Variants in GRM7 observed in about 807,000 individuals in gnomAD.
GRM7 encodes glutamate metabotropic receptor 7, also known as metabotropic glutamate receptor 7.
In GRM7, 35 loss-of-function variants were observed where a neutral mutation model predicts 84.5. That is an observed-to-expected ratio of 0.41 (90% CI 0.32 to 0.55). The LOEUF (loss-of-function observed/expected upper bound fraction) is 0.55. Ranked by LOEUF, GRM7 falls within the 20% of genes least tolerant of loss-of-function variation. GRM7 has a pLI of 0.19. For missense variants in GRM7, 1,003 were observed against 1,194.6 expected (o/e 0.84, Z 2.36); for synonymous variants, 487 against 455.1 (o/e 1.07, Z -0.89).
chr3:7,352,055 CACCACA>C lies in GRM7; in HGVS notation c.1033+45404_1033+45409del, dbSNP rs749118300. On this transcript the variant is annotated intron_variant, in intron 4 of 9. Transcript: ENST00000357716. ...TCTCTCTCTCTCACACACACACACACACCACACACACACACACACACACACACACAC... is the reference window on the plus strand; with the variant it reads ...TCTCTCTCTCTCACACACACACACACCACACACACACACACACACACACAC... Among the ~76,000 whole-genome samples the C allele has an allele frequency of 8.3e-3, 827 of 99,898 alleles. 4 individuals carry two copies. Among genetic ancestry groups the C allele is most frequent in the African/African-American group, 0.03 (722 of 24,320 alleles). 65.5% of individuals were successfully genotyped at this position (99,898 alleles called of 152,430 possible).
intron 9 of GRM7, among the ~76,000 whole-genome samples, chr3:7,717,613 T>C (rs1359050944): frequency 6.6e-6 from 1 of 152,104 alleles, no homozygotes; most frequent in Non-Finnish European, 1.5e-5. Flanking sequence ...CAAACTCCTG[T>C]CCCATCAACT....
intron 4 of GRM7, among the ~76,000 whole-genome samples, chr3:7,316,721 G>A (rs1700595564): frequency 6.6e-6 from 1 of 152,012 alleles, no homozygotes; most frequent in Non-Finnish European, 1.5e-5. Context: ...ATACTTATTA[G>A]ACATCCAAGT....
intron 5 of GRM7, among the ~76,000 whole-genome samples, chr3:7,446,158 T>C (rs1304450394): frequency 6.6e-6 from 1 of 152,220 alleles, no homozygotes; most frequent in African/African-American, 2.4e-5. Flanking sequence ...TTCAATAAAA[T>C]TGTGTAATGC....
At chr3:7,610,005 C>G (rs1696773981) in intron 8 of GRM7, among the ~76,000 whole-genome samples, 1 of 152,164 alleles carries the variant, frequency 6.6e-6, no homozygotes, top group South Asian at 2.1e-4. Context: ...TTTACTTAAA[C>G]AGACTTGAGT....
At chr3:6,979,408 A>G (rs1356268) in intron 1 of GRM7, among the ~76,000 whole-genome samples, 3,959 of 152,268 alleles carry the variant, frequency 0.026, 70 homozygotes, top group South Asian at 0.04. Flanking sequence ...AAACTTAGAA[A>G]CAAACATACC....
In GRM7 at chr3:7,515,678, A is replaced by G. The variant is rs183688804; in HGVS notation, c.1515+53956A>G. Reference sequence around the variant, plus strand: ...GGTATAGCAAAGGAAGGTACCTGTCACCTTGAGGACTCACAAGTAATCCAT... The same window carrying G: ...GGTATAGCAAAGGAAGGTACCTGTCGCCTTGAGGACTCACAAGTAATCCAT... On this transcript the variant is annotated intron_variant, in intron 7 of 9. Coordinates refer to ENST00000357716, the MANE Select transcript of GRM7 (RefSeq NM_000844.4). 8.5e-5 allele frequency among the ~76,000 whole-genome samples: 13 copies of G among 152,258 alleles called. No individual in the cohort carries two copies. In the South Asian group the frequency reaches 1.9e-3, roughly 22 times the overall value.
chr3:7,450,276 A>T (rs1278571642), intron 5 of GRM7, among the ~76,000 whole-genome samples: 1 of 152,180 alleles, frequency 6.6e-6, no homozygotes. Flanking sequence ...AAAGTTCGAC[A>T]GCATACTCTG....
intron 1 of GRM7, among the ~76,000 whole-genome samples, chr3:7,063,263 T>C (rs1187691472): frequency 2.0e-5 from 3 of 151,788 alleles, no homozygotes; most frequent in Non-Finnish European, 4.4e-5. Flanking sequence ...AGGCTTGGTA[T>C]ACAAGGCTTC....
intron 1 of GRM7, among the ~76,000 whole-genome samples, chr3:7,025,457 C>T (rs979116357): frequency 5.9e-5 from 9 of 152,146 alleles, no homozygotes; most frequent in African/African-American, 1.7e-4. Flanking sequence ...GAGTAGGTGA[C>T]TATAGAAATC....
chr3:6,889,889 A>G (rs920869499), intron 1 of GRM7, among the ~76,000 whole-genome samples: 3 of 152,084 alleles, frequency 2.0e-5, no homozygotes, highest in African/African-American at 4.8e-5. Context: ...GTAAGCTATT[A>G]ATTATTGCCA....
intron 1 of GRM7, among the ~76,000 whole-genome samples, chr3:7,062,958 C>T (rs1697484351): frequency 6.6e-6 from 1 of 151,628 alleles, no homozygotes; most frequent in African/African-American, 2.4e-5. Flanking sequence ...TAATAAGTTC[C>T]AAGGGACCAT....
At chr3:7,225,406 A>G (rs774336165) in intron 2 of GRM7, among the ~76,000 whole-genome samples, 2 of 148,096 alleles carry the variant, frequency 1.4e-5, no homozygotes, top group Non-Finnish European at 3.0e-5. Context: ...ATATATGTAT[A>G]GTAAATGTAA....
chr3:6,900,460 A>G (rs899132503), intron 1 of GRM7, among the ~76,000 whole-genome samples: 7 of 152,240 alleles, frequency 4.6e-5, no homozygotes, highest in African/African-American at 1.4e-4. Flanking sequence ...AATTGAACAA[A>G]ATACATAATC....
chr3:7,204,002 G>A (rs1047059218), intron 2 of GRM7, among the ~76,000 whole-genome samples: 1 of 152,132 alleles, frequency 6.6e-6, no homozygotes, highest in African/African-American at 2.4e-5. Flanking sequence ...TGTGATAGCT[G>A]AGATATAATA....
At chr3:7,029,744 A>T (rs1157865425) in intron 1 of GRM7, among the ~76,000 whole-genome samples, 2 of 152,194 alleles carry the variant, frequency 1.3e-5, no homozygotes, top group Admixed American at 1.3e-4. Context: ...TGAGCACAGC[A>T]TTTCAGTTTG....
At chr3:7,425,461 T>G (rs1169329651) in intron 5 of GRM7, among the ~76,000 whole-genome samples, 1 of 152,212 alleles carries the variant, frequency 6.6e-6, no homozygotes, top group African/African-American at 2.4e-5. Context: ...TGGGACCTTC[T>G]GTCCATTTAG....
chr3:7,045,760 A>G (rs969066092), intron 1 of GRM7, among the ~76,000 whole-genome samples: 6 of 152,128 alleles, frequency 3.9e-5, no homozygotes, highest in Non-Finnish European at 5.9e-5. Context: ...TGTGTATGTC[A>G]TATTTTCATT....
intron 2 of GRM7, among the ~76,000 whole-genome samples, chr3:7,186,049 T>C (rs991803109): frequency 6.9e-6 from 1 of 145,428 alleles, no homozygotes; most frequent in South Asian, 2.1e-4. Context: ...AGCTTCACCA[T>C]GGGCATGTCT....
intron 1 of GRM7, among the ~76,000 whole-genome samples, chr3:7,004,760 C>T (rs548439285): frequency 2.6e-5 from 4 of 152,120 alleles, no homozygotes; most frequent in South Asian, 2.1e-4. Context: ...ATGTTTTTCC[C>T]GTCAGGTGTT....
Sources: gnomAD v4.1 joint callset for allele counts (sites outside exome capture counted in the v4.1 genomes callset) on GRCh38, gnomAD v4.1.1 for gene constraint, MANE v1.5 for transcripts, NCBI Gene and HGNC (gene_info 2026-07-23, HGNC 2026-07-21) for gene names.